The following ZNF148 variants were observed in gnomAD, a reference collection of about 807,000 sequenced individuals.
The protein encoded by ZNF148 is Beta-Enolase Repressor Factor-1.
A neutral mutation model predicts 67.7 loss-of-function variants in ZNF148; 7 were observed. That is an observed-to-expected ratio of 0.10 (90% CI 0.06 to 0.19). ZNF148 has a LOEUF of 0.19. Among genes scored for constraint, ZNF148 ranks in the 10% least tolerant of loss-of-function variants. The pLI, the probability that ZNF148 is intolerant of heterozygous loss-of-function variation, is 1.00. For missense variants in ZNF148, 583 were observed against 947.1 expected, an observed-to-expected ratio of 0.62 and a Z score of 5.05; for synonymous variants, 333 against 330.7, an observed-to-expected ratio of 1.01 and a Z score of -0.08.
intron 2 of ZNF148, 143 bp from the exon 3 acceptor site, chr3:125,323,587 G>A (rs1013660812): frequency 4.3e-6 from 2 of 470,498 alleles, no homozygotes; most frequent in African/African-American, 2.0e-5. Flanking sequence ...CCAATGTACT[G>A]ACTTGTTTTT....
chr3:125,307,950 C>T (rs1378138505), intron 4 of ZNF148, among the ~76,000 whole-genome samples: 3 of 152,026 alleles, frequency 2.0e-5, no homozygotes, highest in Non-Finnish European at 4.4e-5. Context: ...CCACTGCACC[C>T]GGCCCCTAAC....
chr3:125,369,921 A>T (rs56321335), intron 1 of ZNF148, among the ~76,000 whole-genome samples: 117,409 of 151,556 alleles, frequency 0.77, 46,088 homozygotes, highest in African/African-American at 0.87. Context: ...GTTTGAACCC[A>T]GCAGTGAGCT....
chr3:125,360,010 C>G (rs1218663583), intron 1 of ZNF148, among the ~76,000 whole-genome samples: 1 of 152,220 alleles, frequency 6.6e-6, no homozygotes, highest in Non-Finnish European at 1.5e-5. Context: ...GGGCTCCCTA[C>G]TTCCCAGTTT....
chr3:125,315,578 G>A (rs1240507385), intron 3 of ZNF148, among the ~76,000 whole-genome samples: 1 of 151,442 alleles, frequency 6.6e-6, no homozygotes, highest in Non-Finnish European at 1.5e-5. Flanking sequence ...GCATGATGGT[G>A]CATGCCTGTA....
intron 1 of ZNF148, among the ~76,000 whole-genome samples, chr3:125,356,775 A>T (rs1214859342): frequency 6.6e-6 from 1 of 152,234 alleles, no homozygotes; most frequent in Non-Finnish European, 1.5e-5. Flanking sequence ...CTACTGCACA[A>T]GTAGTTCTTT....
chr3:125,329,556 C>T (rs1209436941), intron 2 of ZNF148, among the ~76,000 whole-genome samples: 2 of 151,400 alleles, frequency 1.3e-5, no homozygotes, highest in African/African-American at 4.8e-5. Flanking sequence ...TGGGGTTTCA[C>T]CATGTTGGCC....
chr3:125,372,341 T>G (rs1942917658), intron 1 of ZNF148, among the ~76,000 whole-genome samples: 1 of 152,200 alleles, frequency 6.6e-6, no homozygotes. Flanking sequence ...AGCCTAAGAT[T>G]GTTGGATTCT....
chr3:125,317,819 T>C (rs1302257035), intron 3 of ZNF148, among the ~76,000 whole-genome samples: 8 of 151,678 alleles, frequency 5.3e-5, no homozygotes, highest in Admixed American at 2.0e-4. Context: ...TCCTTTTTCA[T>C]GTACCAACAT....
At chr3:125,248,044 T>A (rs1256279708) in intron 7 of ZNF148, among the ~76,000 whole-genome samples, 1 of 152,184 alleles carries the variant, frequency 6.6e-6, no homozygotes, top group Non-Finnish European at 1.5e-5. Flanking sequence ...CTAAGCATAT[T>A]AACACTAAAT....
chr3:125,348,410 C>T (rs527987116), intron 1 of ZNF148, among the ~76,000 whole-genome samples: 32 of 147,268 alleles, frequency 2.2e-4, no homozygotes, highest in Admixed American at 1.4e-3. Flanking sequence ...GGGCCCGAGA[C>T]GCCAAGGTTG....
rs567570123 is a variant in ZNF148 at position 125,258,374 on chromosome 3, G to A, written c.667+19352C>T. Among the ~76,000 whole-genome samples, 31 of 129,884 alleles carry A rather than the reference G, an allele frequency of 2.4e-4. No individual in the cohort carries two copies. In the South Asian group the frequency reaches 6.0e-3, roughly 25 times the overall value. 85.2% of individuals were successfully genotyped at this position (129,884 alleles called of 152,430 possible). ...CGGGAGGCAGAGCTTGCAGTGAGCC[G>A]AGATTGCGCCACTGCACTCCAGCCT... is the stretch of plus-strand genomic sequence containing the variant. On this transcript the variant is annotated intron_variant, in intron 7 of 8. Coordinates refer to ENST00000360647, the MANE Select transcript of ZNF148 (RefSeq NM_021964.3).
At chr3:125,306,304 A>C (rs1939871528) in intron 4 of ZNF148, among the ~76,000 whole-genome samples, 1 of 152,148 alleles carries the variant, frequency 6.6e-6, no homozygotes, top group South Asian at 2.1e-4. Flanking sequence ...TAAAAAGTAA[A>C]AATGAACAAA....
chr3:125,307,777 T>A (rs917091772), intron 4 of ZNF148, among the ~76,000 whole-genome samples: 4 of 151,514 alleles, frequency 2.6e-5, no homozygotes, highest in Non-Finnish European at 4.4e-5. Flanking sequence ...CCCAAGCAGC[T>A]GAGACTACAG....
At chr3:125,368,652 G>A (rs1041713540) in intron 1 of ZNF148, among the ~76,000 whole-genome samples, 1 of 152,170 alleles carries the variant, frequency 6.6e-6, no homozygotes, top group Admixed American at 6.5e-5. Flanking sequence ...TTATTTAAAA[G>A]TGTGCCTCTT....
intron 7 of ZNF148, among the ~76,000 whole-genome samples, chr3:125,256,991 T>A (rs570920916): frequency 8.3e-5 from 8 of 95,920 alleles, no homozygotes; most frequent in Admixed American, 3.2e-4. Context: ...TTTTTTTTTT[T>A]ACAAACTGCA....
At chr3:125,360,676 GCA>G (rs1351880106) in intron 1 of ZNF148, among the ~76,000 whole-genome samples, 1 of 151,568 alleles carries the variant, frequency 6.6e-6, no homozygotes, top group Non-Finnish European at 1.5e-5. Context: ...ATTTATATCA[GCA>G]TATTACACAT....
chr3:125,295,437 A>T (rs1205300283), intron 4 of ZNF148, among the ~76,000 whole-genome samples: 4 of 149,610 alleles, frequency 2.7e-5, no homozygotes, highest in Admixed American at 6.7e-5. Flanking sequence ...TGGGCGACAG[A>T]GTGAGACTCC....
Position 125,234,296 on chromosome 3 carries a change from A to G in ZNF148, c.701T>C (p.Met234Thr). ...CATATGATATTTTTGTATGAATCTC[A>G]TACCACATTCATCACAGCGAAATGG... ...EKPFRCDECG[M>T]RFIQKYHMER... The change falls in exon 8 of 9, where the codon ATG becomes ACG. Residue 234 changes from methionine (M) to threonine (T), a missense_variant. By Grantham distance (81) the Met-to-Thr change is moderately conservative (BLOSUM62 -1). This residue lies in a region of ZNF148 where 25 missense variants were observed against 142.0 expected (regional missense o/e 0.18). Transcript: ENST00000360647. 1 of 1,610,836 alleles carries G rather than the reference A, an allele frequency of 6.2e-7. No homozygotes were observed. The highest frequency in any genetic ancestry group is 8.5e-7 in the Non-Finnish European group (1 of 1,178,164).
rs571512608 is a variant in ZNF148, at chr3:125,235,586, A to G, written c.668-1257T>C. Among the ~76,000 whole-genome samples, 6 of 152,240 alleles carry G rather than the reference A, an allele frequency of 3.9e-5. No individual in the cohort carries two copies. The South Asian group carries it at 8.3e-4, about 21-fold the overall frequency. On this transcript the variant is annotated intron_variant, in intron 7 of 8. Transcript: ENST00000360647. ...ACAGAATTCTATCTGTACCTCTTCTATGGCACTCAGTACTTTCAACTCAAT... is the reference window on the plus strand; with the variant it reads ...ACAGAATTCTATCTGTACCTCTTCTGTGGCACTCAGTACTTTCAACTCAAT...
Sources: gnomAD v4.1 joint callset for allele counts (sites outside exome capture counted in the v4.1 genomes callset) on GRCh38, gnomAD v4.1.1 for gene constraint, gnomAD v4.1.1 regional missense constraint, MANE v1.5 for transcripts, NCBI Gene and HGNC (gene_info 2026-07-23, HGNC 2026-07-21) for gene names.